The following HCN1 variants were observed in gnomAD, a reference collection of about 807,000 sequenced individuals.
The protein encoded by HCN1 is potassium/sodium hyperpolarization-activated cyclic nucleotide-gated channel 1.
HCN1 carries 13 observed loss-of-function variants against 78.9 expected under a neutral mutation model. That is an observed-to-expected ratio of 0.16 (90% confidence interval 0.11 to 0.26). The LOEUF (loss-of-function observed/expected upper bound fraction) is 0.26. Ranked by LOEUF, HCN1 falls within the 10% of genes least tolerant of loss-of-function variation. The pLI is 1.00. For synonymous variants in HCN1, 552 were observed against 455.5 expected, an observed-to-expected ratio of 1.21 and a Z score of -2.70; for missense variants, 810 against 1,154.3, an observed-to-expected ratio of 0.70 and a Z score of 4.32.
At chr5:45,491,070 T>A (rs549159565) in intron 2 of HCN1, among the ~76,000 whole-genome samples, 149 of 152,296 alleles carry the variant, frequency 9.8e-4, no homozygotes, top group African/African-American at 3.5e-3. Context: ...CTTAAGTCAC[T>A]AAGGCTTGGC....
At chr5:45,446,663 A>T (rs549818377) in intron 3 of HCN1, among the ~76,000 whole-genome samples, 257 of 152,354 alleles carry the variant, frequency 1.7e-3, no homozygotes, top group African/African-American at 6.0e-3. Context: ...CTCAAAGGGA[A>T]GCCCATCAGA....
chr5:45,484,957 TATAGGGCACAGGTGGTAATTTGGCAAC>T (rs1167598487), intron 2 of HCN1, among the ~76,000 whole-genome samples: 1 of 152,098 alleles, frequency 6.6e-6, no homozygotes, highest in Non-Finnish European at 1.5e-5. Context: ...ACCTGTGATA[TATAGGGCACAGGTGGTAATTTGGCAAC>T]TGTAAGCCTG....
At chr5:45,520,908 C>T (rs545255498) in intron 2 of HCN1, among the ~76,000 whole-genome samples, 435 of 151,818 alleles carry the variant, frequency 2.9e-3, no homozygotes, top group Admixed American at 4.7e-3. Flanking sequence ...AAACAAGTCT[C>T]TTTTAGAAGA....
chr5:45,373,481 T>C (rs1747482335), intron 4 of HCN1, among the ~76,000 whole-genome samples: 1 of 139,728 alleles, frequency 7.2e-6, no homozygotes, highest in African/African-American at 2.6e-5. Flanking sequence ...ACATCATCTA[T>C]CATATACAAT....
chr5:45,258,061 A>T lies in HCN1; in HGVS notation c.*3860T>A, dbSNP rs201835885. ...TGGCACATGTTCTAAAAAGATAAAGATATAATGGAGAGATATCTCATTCAA... is the reference window on the plus strand; with the variant it reads ...TGGCACATGTTCTAAAAAGATAAAGTTATAATGGAGAGATATCTCATTCAA... On this transcript the variant is annotated 3_prime_UTR_variant, in exon 8 of 8. Coordinates refer to ENST00000303230, the MANE Select transcript of HCN1 (RefSeq NM_021072.4). 3.3e-5 allele frequency: 5 copies of T among 152,264 alleles called. No homozygotes were observed. The highest frequency in any genetic ancestry group is 3.3e-4 in the Admixed American group (5 of 15,302). 9.4% of individuals were successfully genotyped at this position (152,264 alleles called of 1,614,324 possible).
At chr5:45,461,045 T>G (rs1025724276) in intron 3 of HCN1, among the ~76,000 whole-genome samples, 1 of 151,754 alleles carries the variant, frequency 6.6e-6, no homozygotes, top group Non-Finnish European at 1.5e-5. Context: ...AAAAATGTAA[T>G]TAAAATGTAA....
At chr5:45,607,483 G>T (rs922141816) in intron 2 of HCN1, among the ~76,000 whole-genome samples, 11 of 151,208 alleles carry the variant, frequency 7.3e-5, no homozygotes, top group African/African-American at 2.7e-4. Flanking sequence ...ATACAAGTTT[G>T]TCTCAACACT....
intron 2 of HCN1, among the ~76,000 whole-genome samples, chr5:45,562,577 C>A (rs1743627211): frequency 6.6e-6 from 1 of 152,024 alleles, no homozygotes; most frequent in Non-Finnish European, 1.5e-5. Flanking sequence ...CAGAAAGACA[C>A]ATATACAAAC....
chr5:45,345,640 A>G (rs376826985), intron 5 of HCN1, among the ~76,000 whole-genome samples: 1 of 152,212 alleles, frequency 6.6e-6, no homozygotes, highest in Non-Finnish European at 1.5e-5. Context: ...CCTTTGCTCC[A>G]GTTCCTAACA....
chr5:45,381,391 C>A (rs1268539074), intron 4 of HCN1, among the ~76,000 whole-genome samples: 1 of 152,038 alleles, frequency 6.6e-6, no homozygotes, highest in Non-Finnish European at 1.5e-5. Context: ...TCTACTACAT[C>A]CTCTCTATAT....
At chr5:45,307,939 C>T (rs191002534) in intron 5 of HCN1, among the ~76,000 whole-genome samples, 3 of 152,080 alleles carry the variant, frequency 2.0e-5, no homozygotes, top group Non-Finnish European at 4.4e-5. Flanking sequence ...AACTTTTTTG[C>T]TGATATAGTT....
Position 45,259,447 on chromosome 5 carries a change from C to T in HCN1, c.*2474G>A, listed in dbSNP as rs765902021. 1 of 152,176 alleles carries T rather than the reference C, an allele frequency of 6.6e-6. No homozygotes were observed. The highest frequency in any genetic ancestry group is 1.5e-5 in the Non-Finnish European group (1 of 67,902). 9.4% of individuals were successfully genotyped at this position (152,176 alleles called of 1,614,324 possible). ...TTTCTGTACAGATTAAAACTCCATA[C>T]ATACGGGCTTCACTATGTACAGAGA... On this transcript the variant is annotated 3_prime_UTR_variant, in exon 8 of 8. Coordinates refer to ENST00000303230, the MANE Select transcript of HCN1 (RefSeq NM_021072.4).
intron 2 of HCN1, among the ~76,000 whole-genome samples, chr5:45,479,971 C>T (rs76014501): frequency 0.014 from 2,064 of 152,240 alleles, 43 homozygotes; most frequent in African/African-American, 0.046. Flanking sequence ...TAATCTCTTA[C>T]ACAAAAACTT....
At chr5:45,467,220 G>T (rs113518375) in intron 2 of HCN1, among the ~76,000 whole-genome samples, 2 of 151,912 alleles carry the variant, frequency 1.3e-5, no homozygotes, top group East Asian at 1.9e-4. Flanking sequence ...CCCCAAAGAC[G>T]CAACTTCTCT....
At chr5:45,445,051 C>T (rs374749767) in intron 3 of HCN1, among the ~76,000 whole-genome samples, 3 of 152,290 alleles carry the variant, frequency 2.0e-5, no homozygotes, top group South Asian at 2.1e-4. Flanking sequence ...GTGGGTGCAG[C>T]GCACCGTGCG....
intron 5 of HCN1, among the ~76,000 whole-genome samples, chr5:45,317,584 A>C (rs1746021352): frequency 1.3e-5 from 2 of 152,160 alleles, no homozygotes; most frequent in African/African-American, 2.4e-5. Flanking sequence ...TAAACTAAAG[A>C]GCTTCTGCAC....
chr5:45,352,519 TATAATA>T (rs1462793966), intron 5 of HCN1, among the ~76,000 whole-genome samples: 1 of 151,964 alleles, frequency 6.6e-6, no homozygotes, highest in Non-Finnish European at 1.5e-5. Context: ...AAACTTAAAG[TATAATA>T]ATAATAAAAT....
chr5:45,311,330 T>C (rs1745848207), intron 5 of HCN1, among the ~76,000 whole-genome samples: 2 of 152,320 alleles, frequency 1.3e-5, no homozygotes, highest in South Asian at 4.1e-4. Context: ...GTTTTTATTT[T>C]AAAAGATCTC....
intron 5 of HCN1, among the ~76,000 whole-genome samples, chr5:45,332,044 T>A (rs1447303774): frequency 2.0e-5 from 3 of 151,550 alleles, no homozygotes; most frequent in Admixed American, 6.6e-5. Context: ...AAATGTAGTA[T>A]ACATATGTTC....
Sources: gnomAD v4.1 joint callset for allele counts (sites outside exome capture counted in the v4.1 genomes callset) on GRCh38, gnomAD v4.1.1 for gene constraint, MANE v1.5 for transcripts, NCBI Gene and HGNC (gene_info 2026-07-23, HGNC 2026-07-21) for gene names.